Variants in ASAP1 observed in about 807,000 individuals in gnomAD.
ASAP1 encodes the protein ArfGAP with SH3 domain, ankyrin repeat and PH domain 1, also known as arf-GAP with SH3 domain, ANK repeat and PH domain-containing protein 1.
Under a neutral mutation model 145.2 loss-of-function variants are expected in ASAP1, and 43 were observed. The observed-to-expected ratio is 0.30, with a 90% CI of 0.23 to 0.38. ASAP1 has a LOEUF of 0.38. Ranked by LOEUF, ASAP1 falls within the 10% of genes least tolerant of loss-of-function variation. The pLI is 1.00. For missense variants in ASAP1, 1,018 were observed against 1,355.3 expected, an observed-to-expected ratio of 0.75 and a Z score of 3.91; for synonymous variants, 546 against 515.5, an observed-to-expected ratio of 1.06 and a Z score of -0.80.
At chr8:130,265,485 T>G (rs1820186343) in intron 3 of ASAP1, among the ~76,000 whole-genome samples, 1 of 149,104 alleles carries the variant, frequency 6.7e-6, no homozygotes, top group East Asian at 2.0e-4. Context: ...AAGCAGGAGG[T>G]TTGTTTGAGT....
At chr8:130,379,114 T>G (rs1489071548) in intron 2 of ASAP1, among the ~76,000 whole-genome samples, 1 of 152,098 alleles carries the variant, frequency 6.6e-6, no homozygotes, top group African/African-American at 2.4e-5. Context: ...TAATCAATCA[T>G]GCCTATGTAA....
intron 3 of ASAP1, among the ~76,000 whole-genome samples, chr8:130,337,672 C>T (rs1825118583): frequency 6.6e-6 from 1 of 152,200 alleles, no homozygotes; most frequent in Non-Finnish European, 1.5e-5. Flanking sequence ...ACCTCATCCA[C>T]AACTTCTCAA....
At chr8:130,077,627 C>T (rs2097466269) in intron 26 of ASAP1, among the ~76,000 whole-genome samples, 1 of 144,476 alleles carries the variant, frequency 6.9e-6, no homozygotes, top group Non-Finnish European at 1.5e-5. Context: ...CTCACTGCAA[C>T]CTCTGCTTCC....
chr8:130,387,778 C>T (rs1828092049), intron 2 of ASAP1, among the ~76,000 whole-genome samples: 1 of 152,068 alleles, frequency 6.6e-6, no homozygotes, highest in Non-Finnish European at 1.5e-5. Flanking sequence ...GTATTTTATG[C>T]TCATGGTTGA....
intron 3 of ASAP1, among the ~76,000 whole-genome samples, chr8:130,276,728 A>ACACACACACACACACACACACTCT (rs548512902): frequency 1.1e-5 from 1 of 87,270 alleles, no homozygotes; most frequent in Non-Finnish European, 2.2e-5. Flanking sequence ...ACACACACAC[A>ACACACACACACACACACACACTCT]CTCTCTCTCT....
At chr8:130,175,420 C>A (rs186779550) in intron 9 of ASAP1, among the ~76,000 whole-genome samples, 1 of 152,186 alleles carries the variant, frequency 6.6e-6, no homozygotes, top group African/African-American at 2.4e-5. Flanking sequence ...GAGACAGAGT[C>A]TCCCTGTGTT....
rs116538159 is a variant in ASAP1, at chr8:130,089,634, C to T, written c.2572+2339G>A. Among the ~76,000 whole-genome samples, 1,139 of 152,162 alleles carry T rather than the reference C, an allele frequency of 7.5e-3. 19 individuals are homozygous for T. The highest frequency in any genetic ancestry group is 0.026 in the African/African-American group (1,088 of 41,498). On this transcript the variant is annotated intron_variant, in intron 25 of 29. Transcript: ENST00000518721. ...TCTACAATACAATGTCAGCAGGAGG[C>T]GGGGAAGGGATAAAACCAAGCAGTA...
intron 3 of ASAP1, among the ~76,000 whole-genome samples, chr8:130,237,512 T>A (rs1358246530): frequency 2.6e-5 from 4 of 151,724 alleles, no homozygotes; most frequent in Non-Finnish European, 4.4e-5. Flanking sequence ...AAAAAAAAAA[T>A]TAGTTATGAC....
intron 3 of ASAP1, among the ~76,000 whole-genome samples, chr8:130,292,447 G>T (rs985898037): frequency 2.0e-5 from 3 of 152,162 alleles, no homozygotes; most frequent in African/African-American, 7.2e-5. Context: ...ACAAAGCAGG[G>T]GTCCTTTGAG....
intron 3 of ASAP1, among the ~76,000 whole-genome samples, chr8:130,263,361 A>G (rs1472600612): frequency 3.9e-5 from 6 of 152,238 alleles, no homozygotes; most frequent in African/African-American, 1.2e-4. Flanking sequence ...TTTGACAGAG[A>G]AGAGACCATG....
At chr8:130,305,552 G>C (rs985215560) in intron 3 of ASAP1, among the ~76,000 whole-genome samples, 3 of 151,956 alleles carry the variant, frequency 2.0e-5, no homozygotes, top group African/African-American at 7.3e-5. Flanking sequence ...TTAGTAGAGG[G>C]GGTGTTTCAC....
Position 130,164,815 on chromosome 8 carries a change from TGG to T in ASAP1, c.909+2719_909+2720del, listed in dbSNP as rs1327357639. On this transcript the variant is annotated intron_variant, in intron 11 of 29. Coordinates refer to ENST00000518721, the MANE Select transcript of ASAP1 (RefSeq NM_018482.4). ...TTAATGGAGCCAAGTTAGAACCCGG[TGG>T]GGATGAGTAGGCTAAATGATTTGTT... 3.9e-5 allele frequency among the ~76,000 whole-genome samples: 6 copies of T among 152,222 alleles called. No individual in the cohort carries two copies. The South Asian group carries it at 1.2e-3, about 32-fold the overall frequency.
At chr8:130,268,490 AACACACACACACACACACACACACACAC>A (rs113714700) in intron 3 of ASAP1, among the ~76,000 whole-genome samples, 5 of 133,124 alleles carry the variant, frequency 3.8e-5, no homozygotes, top group Non-Finnish European at 6.3e-5. Context: ...CCCGTCTTAA[AACACACACACACACACACACACACACAC>A]ACACACACAC....
chr8:130,188,723 C>CAAAAAA (rs370580190), intron 5 of ASAP1, among the ~76,000 whole-genome samples: 1,311 of 83,634 alleles, frequency 0.016, 50 homozygotes, highest in African/African-American at 0.02. Context: ...GAGACTCTCT[C>CAAAAAA]AAAAAAAAAA....
At chr8:130,079,038 T>TA (rs1316638842) in intron 26 of ASAP1, among the ~76,000 whole-genome samples, 2 of 151,722 alleles carry the variant, frequency 1.3e-5, no homozygotes, top group Admixed American at 6.6e-5. Flanking sequence ...TACAAAAAAA[T>TA]AAAAAAATCA....
intron 4 of ASAP1, 103 bp from the exon 5 acceptor site, chr8:130,214,804 A>C: frequency 1.0e-6 from 1 of 988,170 alleles, no homozygotes. Context: ...TGGAAGCATA[A>C]ACTGTATCAA....
At chr8:130,156,454 G>A (rs754660421) in intron 12 of ASAP1, among the ~76,000 whole-genome samples, 6 of 152,156 alleles carry the variant, frequency 3.9e-5, no homozygotes, top group Admixed American at 6.5e-5. Context: ...GTGAGGGTGA[G>A]GACCGTATCT....
chr8:130,417,233 TACAG>T (rs10538783), intron 1 of ASAP1, among the ~76,000 whole-genome samples: 5,105 of 149,058 alleles, frequency 0.034, 120 homozygotes, highest in Middle Eastern at 0.075. Flanking sequence ...ACTGCACACA[TACAG>T]ACAGACAGAT....
intron 2 of ASAP1, among the ~76,000 whole-genome samples, chr8:130,375,026 T>C (rs1827416041): frequency 6.6e-6 from 1 of 152,188 alleles, no homozygotes; most frequent in Admixed American, 6.5e-5. Context: ...GACTCATCAC[T>C]GGCTGCCTCA....
Sources: gnomAD v4.1 joint callset for allele counts (sites outside exome capture counted in the v4.1 genomes callset) on GRCh38, gnomAD v4.1.1 for gene constraint, MANE v1.5 for transcripts, NCBI Gene and HGNC (gene_info 2026-07-23, HGNC 2026-07-21) for gene names.